Variants in ASIC2 observed in about 807,000 individuals in gnomAD.
ASIC2 encodes acid sensing ion channel subunit 2.
In ASIC2, 25 loss-of-function variants were observed where a neutral mutation model predicts 57.3. The ratio of observed to expected loss-of-function variants is 0.44; its 90% confidence interval spans 0.32 to 0.61. ASIC2 has a LOEUF of 0.61. Among genes scored for constraint, ASIC2 ranks in the 20% least tolerant of loss-of-function variants. ASIC2 has a pLI of 0.06. For missense variants in ASIC2, 641 were observed against 738.1 expected, an observed-to-expected ratio of 0.87 and a Z score of 1.52; for synonymous variants, 319 against 307.5, an observed-to-expected ratio of 1.04 and a Z score of -0.39.
chr17:33,685,830 C>T (rs1908168215), intron 1 of ASIC2, among the ~76,000 whole-genome samples: 1 of 152,302 alleles, frequency 6.6e-6, no homozygotes, highest in African/African-American at 2.4e-5. Context: ...AGATTCTCGG[C>T]AGCGTCTGAT....
intron 1 of ASIC2, among the ~76,000 whole-genome samples, chr17:33,177,138 C>A (rs112644957): frequency 1.8e-3 from 271 of 152,282 alleles, no homozygotes; most frequent in Admixed American, 3.5e-3. Flanking sequence ...GGAAGCTCTT[C>A]AATGGCTGCC....
chr17:33,648,344 A>C (rs1274030719), intron 1 of ASIC2, among the ~76,000 whole-genome samples: 1 of 152,216 alleles, frequency 6.6e-6, no homozygotes, highest in Non-Finnish European at 1.5e-5. Flanking sequence ...TTTCCAGTGC[A>C]CTGTCCTGGC....
chr17:33,978,621 C>A (rs1905483158), intron 1 of ASIC2, among the ~76,000 whole-genome samples: 1 of 152,170 alleles, frequency 6.6e-6, no homozygotes, highest in African/African-American at 2.4e-5. Flanking sequence ...CATAGTTTAA[C>A]ATTTCTGACA....
chr17:33,841,162 T>G (rs1161163285), intron 1 of ASIC2, among the ~76,000 whole-genome samples: 1 of 152,212 alleles, frequency 6.6e-6, no homozygotes, highest in Admixed American at 6.5e-5. Context: ...CAGGGCCCTT[T>G]CAGTGCTAAC....
intron 1 of ASIC2, among the ~76,000 whole-genome samples, chr17:33,339,411 C>T (rs1378495334): frequency 2.0e-5 from 3 of 152,128 alleles, no homozygotes; most frequent in East Asian, 1.9e-4. Flanking sequence ...AAATGATGGG[C>T]GAGGCTGTGT....
chr17:33,287,984 C>A (rs1241555278), intron 1 of ASIC2, among the ~76,000 whole-genome samples: 1 of 152,170 alleles, frequency 6.6e-6, no homozygotes, highest in African/African-American at 2.4e-5. Context: ...GCAGGCTACA[C>A]AAGACAACAG....
At chr17:33,967,168 G>GT (rs112826966) in intron 1 of ASIC2, among the ~76,000 whole-genome samples, 2,499 of 151,988 alleles carry the variant, frequency 0.016, 85 homozygotes, top group African/African-American at 0.057. Context: ...TATTCAGGCA[G>GT]TACCCTCTCT....
chr17:33,480,171 G>T (rs560131483), intron 1 of ASIC2, among the ~76,000 whole-genome samples: 1 of 152,244 alleles, frequency 6.6e-6, no homozygotes, highest in African/African-American at 2.4e-5. Context: ...TGTGTGCCAG[G>T]CACTTTGCAA....
At chr17:33,015,444 C>T (rs926395265) in intron 9 of ASIC2, among the ~76,000 whole-genome samples, 3 of 152,198 alleles carry the variant, frequency 2.0e-5, no homozygotes, top group African/African-American at 7.2e-5. Flanking sequence ...GGACTTTGGT[C>T]TCTGGGCCTC....
chr17:34,140,285 C>G (rs4795877), intron 1 of ASIC2, among the ~76,000 whole-genome samples: 115,179 of 151,978 alleles, frequency 0.76, 43,742 homozygotes, highest in South Asian at 0.85. Context: ...CTAGAGAAAG[C>G]GGGGACCAAT....
At chr17:33,278,442 C>T (rs1263665895) in intron 1 of ASIC2, among the ~76,000 whole-genome samples, 1 of 151,580 alleles carries the variant, frequency 6.6e-6, no homozygotes, top group Non-Finnish European at 1.5e-5. Context: ...GAGCTGAGAT[C>T]ATGCCCCTGT....
At chr17:33,302,584 C>T (rs1906003668) in intron 1 of ASIC2, among the ~76,000 whole-genome samples, 1 of 152,196 alleles carries the variant, frequency 6.6e-6, no homozygotes. Context: ...AGCCACAGCT[C>T]TCCTGTCTCA....
At chr17:33,581,018 A>G (rs1317487876) in intron 1 of ASIC2, 1 of 152,238 alleles carries the variant, frequency 6.6e-6, no homozygotes. Context: ...CTGAGATACC[A>G]CGTCCATGAA....
At chr17:33,882,645 T>C (rs1418498811) in intron 1 of ASIC2, among the ~76,000 whole-genome samples, 1 of 152,024 alleles carries the variant, frequency 6.6e-6, no homozygotes, top group South Asian at 2.1e-4. Context: ...AAATAGGAAC[T>C]TTTACACTGT....
At chr17:33,591,245 T>C (rs138739780) in intron 1 of ASIC2, among the ~76,000 whole-genome samples, 1 of 152,136 alleles carries the variant, frequency 6.6e-6, no homozygotes, top group African/African-American at 2.4e-5. Flanking sequence ...CTGTCTGACA[T>C]GGTATATGAT....
rs541847275 is a variant in ASIC2 at position 33,070,765 on chromosome 17, A to G, written c.987+18098T>C. 3.9e-5 allele frequency among the ~76,000 whole-genome samples: 6 copies of G among 152,308 alleles called. No individual in the cohort carries two copies. The South Asian group carries it at 6.2e-4, about 16-fold the overall frequency. ...TCCTTGAAGAAAAATCTCTTGGAAT[A>G]CAGATCTGCTGGTGATAGATATGCT... On this transcript the variant is annotated intron_variant, in intron 3 of 9. Transcript: ENST00000225823.
intron 1 of ASIC2, among the ~76,000 whole-genome samples, chr17:33,568,536 G>C (rs918656813): frequency 1.4e-4 from 22 of 152,070 alleles, no homozygotes; most frequent in African/African-American, 5.3e-4. Flanking sequence ...TTCCGGAAAT[G>C]GTACCTTCCA....
intron 1 of ASIC2, among the ~76,000 whole-genome samples, chr17:33,921,602 T>C (rs1423406614): frequency 1.3e-5 from 2 of 151,950 alleles, no homozygotes; most frequent in African/African-American, 4.8e-5. Flanking sequence ...GTAGGTGGGG[T>C]GCACGTGGAG....
chr17:33,762,706 A>G (rs751120252), intron 1 of ASIC2, among the ~76,000 whole-genome samples: 44 of 152,148 alleles, frequency 2.9e-4, no homozygotes, highest in Admixed American at 5.9e-4. Flanking sequence ...TGTATTTTTT[A>G]TGTTTGAACT....
Sources: allele counts gnomAD v4.1 joint callset (sites outside exome capture counted in the v4.1 genomes callset), GRCh38; gene constraint gnomAD v4.1.1; transcripts MANE v1.5; gene names NCBI Gene and HGNC (gene_info 2026-07-23, HGNC 2026-07-21).